Variants in WDR33 observed in about 807,000 individuals in gnomAD.
WDR33 encodes the protein pre-mRNA 3' end processing protein WDR33.
WDR33 carries 47 observed loss-of-function variants against 164.9 expected under a neutral mutation model. The observed-to-expected ratio is 0.29, with a 90% CI of 0.23 to 0.36. WDR33 has a LOEUF of 0.36. Among genes scored for constraint, WDR33 ranks in the 10% least tolerant of loss-of-function variants. WDR33 has a pLI of 1.00. For missense variants in WDR33, 1,137 were observed against 1,754.1 expected (o/e 0.65, Z 6.28); for synonymous variants, 505 against 589.0 (o/e 0.86, Z 2.06).
At chr2:127,806,900 G>A (rs917031201) in intron 1 of WDR33, among the ~76,000 whole-genome samples, 3 of 152,192 alleles carry the variant, frequency 2.0e-5, no homozygotes, top group Non-Finnish European at 4.4e-5. Flanking sequence ...TCAAGAAAGG[G>A]AGGATATAGA....
In WDR33 at chr2:127,713,519, T is replaced by G; in HGVS notation, c.3308+64A>C. 6.5e-7 allele frequency: 1 copy of G among 1,550,116 alleles called. No individual in the cohort carries two copies. Among genetic ancestry groups the G allele is most frequent in the South Asian group, 1.2e-5 (1 of 85,626 alleles). On this transcript the variant is annotated intron_variant, in intron 18 of 21. Transcript: ENST00000322313. This position sits in a 1 kb window ranked among gnomAD's most constrained non-coding sequence, Gnocchi z 6.2. ...TCAAGAAAAAGAAGAAAGAGACCTT[T>G]GTGGAGACAGCAGATAAAAAGCTCC...
Position 127,770,935 on chromosome 2 carries a change from C to T in WDR33, c.47G>A (p.Arg16Lys). The change falls in exon 2 of 22, where the codon AGG becomes AAG. Residue 16 changes from arginine (R) to lysine (K), a missense_variant. Transcript: ENST00000322313. This position sits in a 1 kb window ranked among gnomAD's most constrained non-coding sequence, Gnocchi z 4.9. ...CTGTCGAGGTGCCTGGTGCTGGAAC[C>T]TTGGCATATGGAAAAAACGAGGAGG... is the stretch of plus-strand genomic sequence containing the variant. Reference protein sequence around the residue: ...GSPPRFFHMPRFQHQAPRQLF... With the variant: ...GSPPRFFHMPKFQHQAPRQLF... 1.9e-6 allele frequency: 3 copies of T among 1,614,110 alleles called. No homozygotes were observed. Among genetic ancestry groups the T allele is most frequent in the Non-Finnish European group, 2.5e-6 (3 of 1,180,016 alleles).
At position 127,709,526 on chromosome 2, in the gene WDR33, G is replaced by A. The variant is rs1475019688; in HGVS notation, c.3529C>T (p.Arg1177Trp). Reference sequence around the variant, plus strand: ...TTTCCATCCCAGGAATCTGGCTTCCGCCCTCCTTCAAAGCGAGGGAACTCG... The same window carrying A: ...TTTCCATCCCAGGAATCTGGCTTCCACCCTCCTTCAAAGCGAGGGAACTCG... ...PDEFPRFEGGRKPDSWDGNRE... is the reference protein window; with the variant it reads ...PDEFPRFEGGWKPDSWDGNRE... Residue 1177 changes from arginine (R) to tryptophan (W), a missense_variant, in exon 20 of 22, where the codon CGG (arginine) becomes TGG (tryptophan). Coordinates refer to ENST00000322313, the MANE Select transcript of WDR33 (RefSeq NM_018383.5). This position sits in a 1 kb window ranked among gnomAD's most constrained non-coding sequence, Gnocchi z 5.0. 4 of 1,614,030 alleles carry A rather than the reference G, an allele frequency of 2.5e-6. No homozygotes were observed. The highest frequency in any genetic ancestry group is 1.1e-5 in the South Asian group (1 of 91,080).
chr2:127,776,491 G>A (rs1011076823), intron 1 of WDR33, among the ~76,000 whole-genome samples: 1 of 152,194 alleles, frequency 6.6e-6, no homozygotes, highest in African/African-American at 2.4e-5. Context: ...GGCCGATACA[G>A]GTGGACTGCT....
chr2:127,740,927 G>A (rs549389381), intron 7 of WDR33, among the ~76,000 whole-genome samples: 2 of 151,970 alleles, frequency 1.3e-5, no homozygotes, highest in Admixed American at 6.6e-5. Flanking sequence ...CAACCAAAAA[G>A]TGGCCATTCT....
intron 1 of WDR33, among the ~76,000 whole-genome samples, chr2:127,778,619 C>T (rs1049530818): frequency 2.0e-5 from 3 of 152,076 alleles, no homozygotes; most frequent in African/African-American, 4.8e-5. Flanking sequence ...TGAGACACTA[C>T]TACGCTGTGT....
chr2:127,801,598 A>C (rs1689246613), intron 1 of WDR33, among the ~76,000 whole-genome samples: 1 of 151,936 alleles, frequency 6.6e-6, no homozygotes, highest in African/African-American at 2.4e-5. Flanking sequence ...ACAGAATTAC[A>C]TTATGAGCCA....
chr2:127,808,505 G>GAGT (rs1689516191), intron 1 of WDR33, among the ~76,000 whole-genome samples: 1 of 152,222 alleles, frequency 6.6e-6, no homozygotes, highest in Admixed American at 6.5e-5. Context: ...AGACAGATGA[G>GAGT]AGTAGCACTG....
Position 127,708,066 on chromosome 2 carries a change from C to T in WDR33, c.3781+611G>A, listed in dbSNP as rs543968536. 1.3e-5 allele frequency among the ~76,000 whole-genome samples: 2 copies of T among 152,264 alleles called. No individual in the cohort carries two copies. Among genetic ancestry groups the T allele is most frequent in the African/African-American group, 4.8e-5 (2 of 41,542 alleles). ...GGGGAGCAGCCTTCCCAGAAGCTTCCGAGCCACACCACCTATGCACCTCCC... is the reference window on the plus strand; with the variant it reads ...GGGGAGCAGCCTTCCCAGAAGCTTCTGAGCCACACCACCTATGCACCTCCC... On this transcript the variant is annotated intron_variant, in intron 21 of 21. Coordinates refer to ENST00000322313, the MANE Select transcript of WDR33 (RefSeq NM_018383.5). The surrounding 1 kb of genome is among the most constrained non-coding windows in gnomAD (Gnocchi z 6.7).
In WDR33 at chr2:127,710,283, T is replaced by TCA. The variant is rs1686126954; in HGVS notation, c.3309-428_3309-427insTG. ...GCCAGTCTTGACCCTCGGCCCAGGT[T>TCA]CTGTATCACTGCCTCACAAATACTT... On this transcript the variant is annotated intron_variant, in intron 18 of 21. Coordinates refer to ENST00000322313, the MANE Select transcript of WDR33 (RefSeq NM_018383.5). The surrounding 1 kb of genome is among the most constrained non-coding windows in gnomAD (Gnocchi z 4.4). 6.6e-6 allele frequency among the ~76,000 whole-genome samples: 1 copy of TCA among 152,234 alleles called. No individual in the cohort carries two copies. The highest frequency in any genetic ancestry group is 2.4e-5 in the African/African-American group (1 of 41,462).
At chr2:127,747,303 A>G (rs1381894734) in intron 7 of WDR33, among the ~76,000 whole-genome samples, 1 of 152,220 alleles carries the variant, frequency 6.6e-6, no homozygotes. Flanking sequence ...ACAGTTTAAC[A>G]TACAGTGTTT....
chr2:127,708,572 G>A lies in WDR33; in HGVS notation c.3781+105C>T, dbSNP rs1175787916. 1.6e-6 allele frequency: 2 copies of A among 1,271,580 alleles called. No individual in the cohort carries two copies. The highest frequency in any genetic ancestry group is 4.8e-5 in the East Asian group (2 of 41,380). 78.8% of individuals were successfully genotyped at this position (1,271,580 alleles called of 1,614,324 possible). ...GCACTGGCACCACATTTAGGAGCAT[G>A]TGCCTCTGCACAGCCCAGGCTGCAA... On this transcript the variant is annotated intron_variant, in intron 21 of 21. Coordinates refer to ENST00000322313, the MANE Select transcript of WDR33 (RefSeq NM_018383.5). This position sits in a 1 kb window ranked among gnomAD's most constrained non-coding sequence, Gnocchi z 6.7.
intron 7 of WDR33, among the ~76,000 whole-genome samples, chr2:127,760,133 T>C (rs572015724): frequency 1.3e-5 from 2 of 152,348 alleles, no homozygotes; most frequent in African/African-American, 4.8e-5. Context: ...GGAATTCATG[T>C]GAAGTAAGGA....
At chr2:127,745,446 T>C (rs1687140562) in intron 7 of WDR33, among the ~76,000 whole-genome samples, 1 of 152,088 alleles carries the variant, frequency 6.6e-6, no homozygotes, top group Non-Finnish European at 1.5e-5. Context: ...TATGGCGGAG[T>C]GAAGGTTTCT....
chr2:127,735,696 C>A lies in WDR33; in HGVS notation c.725-8919G>T. On this transcript the variant is annotated intron_variant, in intron 7 of 21. Coordinates refer to ENST00000322313, the MANE Select transcript of WDR33 (RefSeq NM_018383.5). The surrounding 1 kb of genome is among the most constrained non-coding windows in gnomAD (Gnocchi z 4.3). Reference sequence around the variant, plus strand: ...TTTAAGACAAAGGGTATATGAGTACCCATGGCCCATAGCCAGATACTCCAG... The same window carrying A: ...TTTAAGACAAAGGGTATATGAGTACACATGGCCCATAGCCAGATACTCCAG... 2.0e-6 allele frequency: 2 copies of A among 985,586 alleles called. No homozygotes were observed. The highest frequency in any genetic ancestry group is 2.4e-6 in the Non-Finnish European group (2 of 829,902). 61.1% of individuals were successfully genotyped at this position (985,586 alleles called of 1,614,324 possible). A position where few individuals can be genotyped will look rare whatever the true frequency, so the allele number is the denominator to read the frequency against.
Position 127,703,202 on chromosome 2 carries a change from C to G in WDR33, c.*3121G>C, listed in dbSNP as rs1470648755. On this transcript the variant is annotated 3_prime_UTR_variant, in exon 22 of 22. Transcript: ENST00000322313. ...ATATTTAGAATTTAAACATTGTGTG[C>G]CAGTGGTCCTCGCGCTTGACTGCAC... The G allele has an allele frequency of 1.2e-5, 2 of 167,092 alleles. No individual in the cohort carries two copies. Among genetic ancestry groups the G allele is most frequent in the East Asian group, 3.9e-4 (2 of 5,184 alleles). The allele number at this position is 167,092 out of a possible 1,614,324, so 10.4% of individuals were successfully genotyped here.
At chr2:127,803,825 T>C (rs1335760499) in intron 1 of WDR33, among the ~76,000 whole-genome samples, 1 of 151,204 alleles carries the variant, frequency 6.6e-6, no homozygotes, top group Non-Finnish European at 1.5e-5. Flanking sequence ...TTAACTGGGG[T>C]TAGTGCCAGG....
intron 1 of WDR33, among the ~76,000 whole-genome samples, chr2:127,775,521 G>GA (rs1208659146): frequency 6.6e-6 from 1 of 152,184 alleles, no homozygotes; most frequent in African/African-American, 2.4e-5. Flanking sequence ...GACAGCAGAT[G>GA]AAACAACAAA....
intron 1 of WDR33, among the ~76,000 whole-genome samples, chr2:127,779,545 A>G (rs1343269973): frequency 6.6e-6 from 1 of 152,198 alleles, no homozygotes; most frequent in Non-Finnish European, 1.5e-5. Flanking sequence ...TACTGTTTCT[A>G]TTGTGTTTGT....
Sources: allele counts gnomAD v4.1 joint callset (sites outside exome capture counted in the v4.1 genomes callset), GRCh38; gene constraint gnomAD v4.1.1; non-coding constraint Gnocchi (gnomAD v3.1); transcripts MANE v1.5; gene names NCBI Gene and HGNC (gene_info 2026-07-23, HGNC 2026-07-21).